Variants in PTPN3 observed in about 807,000 individuals in gnomAD.
PTPN3 encodes tyrosine-protein phosphatase non-receptor type 3.
In PTPN3, 96 loss-of-function variants were observed where a neutral mutation model predicts 132.7. That is an observed-to-expected ratio of 0.72 (90% CI 0.61 to 0.86). The LOEUF is 0.86. Among genes scored for constraint, PTPN3 ranks in the 40% least tolerant of loss-of-function variants. PTPN3 has a pLI of 0.00. For synonymous variants in PTPN3, 398 were observed against 429.0 expected, an observed-to-expected ratio of 0.93 and a Z score of 0.89; for missense variants, 1,125 against 1,159.6, an observed-to-expected ratio of 0.97 and a Z score of 0.43.
chr9:109,474,105 C>T (rs946082275), intron 1 of PTPN3, among the ~76,000 whole-genome samples: 1 of 152,006 alleles, frequency 6.6e-6, no homozygotes, highest in Non-Finnish European at 1.5e-5. Flanking sequence ...TAACCTTTCC[C>T]CACTGCGCGC....
chr9:109,406,355 A>G, intron 18 of PTPN3, 107 bp downstream of exon 18: 2 of 1,361,456 alleles, frequency 1.5e-6, no homozygotes, highest in Non-Finnish European at 2.0e-6. Context: ...TTGATTTTCA[A>G]ATGTTGGCTA....
the PTPN3 span, among the ~76,000 whole-genome samples, chr9:109,524,401 G>T: frequency 2.5e-5 from 1 of 39,242 alleles, no homozygotes; most frequent in Non-Finnish European, 4.7e-5. Context: ...TGGAGCCTCT[G>T]AAGTTCAGAT....
chr9:109,408,433 C>G, intron 16 of PTPN3, 56 bp from the exon 17 acceptor site: 1 of 1,414,034 alleles, frequency 7.1e-7, no homozygotes, highest in East Asian at 2.3e-5. Flanking sequence ...AACAAACAAA[C>G]AAACAAAAAA....
At chr9:109,451,897 T>A (rs1845269640) in intron 5 of PTPN3, among the ~76,000 whole-genome samples, 1 of 152,178 alleles carries the variant, frequency 6.6e-6, no homozygotes. Context: ...GTTTAGGCAG[T>A]GCCGTCCAGA....
intron 9 of PTPN3, among the ~76,000 whole-genome samples, chr9:109,435,619 C>A (rs911611085): frequency 6.6e-6 from 1 of 152,188 alleles, no homozygotes; most frequent in South Asian, 2.1e-4. Context: ...TGACCAACCC[C>A]CTCTGATACT....
chr9:109,500,292 T>C (rs1289551655), upstream of PTPN3, among the ~76,000 whole-genome samples: 1 of 152,196 alleles, frequency 6.6e-6, no homozygotes, highest in Non-Finnish European at 1.5e-5. Flanking sequence ...ATTTTCGAAG[T>C]TGTCTTAATC....
chr9:109,410,378 T>C lies in PTPN3; in HGVS notation c.1351A>G (p.Thr451Ala). The C allele has an allele frequency of 1.2e-6, 2 of 1,613,908 alleles. No individual in the cohort carries two copies. Among genetic ancestry groups the C allele is most frequent in the Non-Finnish European group, 1.7e-6 (2 of 1,179,968 alleles). ...SENNPAQSYLTQKSSSSVSPS... is the reference protein window; with the variant it reads ...SENNPAQSYLAQKSSSSVSPS... The stretch of plus-strand genomic sequence containing the variant: ...GACACAGAACTGGATGACTTCTGGG[T>C]CAGGTAGCTTTGTGCCGGATTGTTC... The change falls in exon 15 of 26, where the codon ACC (threonine) becomes GCC (alanine). Residue 451 changes from threonine to alanine, a missense_variant. Transcript: ENST00000374541.
At chr9:109,463,565 A>G (rs1845953097) in intron 1 of PTPN3, 114 bp from the exon 2 acceptor site, 1 of 933,162 alleles carries the variant, frequency 1.1e-6, no homozygotes, top group Non-Finnish European at 1.6e-6. Context: ...ACTCACAGAT[A>G]ATGAGAACTA....
At chr9:109,459,512 A>G (rs573030849) in intron 2 of PTPN3, among the ~76,000 whole-genome samples, 2 of 152,332 alleles carry the variant, frequency 1.3e-5, no homozygotes, top group African/African-American at 4.8e-5. Context: ...GACGTTCATA[A>G]CTAAGAATTT....
chr9:109,474,676 C>G (rs1020049609), intron 1 of PTPN3, among the ~76,000 whole-genome samples: 1 of 152,110 alleles, frequency 6.6e-6, no homozygotes, highest in African/African-American at 2.4e-5. Context: ...ATTTAGCAGG[C>G]GTTCCTGAGG....
chr9:109,425,296 G>C (rs940968497), intron 12 of PTPN3, among the ~76,000 whole-genome samples: 3 of 152,178 alleles, frequency 2.0e-5, no homozygotes, highest in Admixed American at 6.5e-5. Flanking sequence ...AAAGTAACTG[G>C]AACAGTCTGA....
At position 109,438,071 on chromosome 9, in the gene PTPN3, C is replaced by T. The variant is rs1370755126; in HGVS notation, c.587+43G>A. On this transcript the variant is annotated intron_variant, in intron 8 of 25. Coordinates refer to ENST00000374541, the MANE Select transcript of PTPN3 (RefSeq NM_002829.4). Reference sequence around the variant, plus strand: ...CAAAGGGATATGATGTCTGAAAATACCCAACCCAAGTCCCCAAAGTAGGCC... The same window carrying T: ...CAAAGGGATATGATGTCTGAAAATATCCAACCCAAGTCCCCAAAGTAGGCC... 4 of 1,576,650 alleles carry T rather than the reference C, an allele frequency of 2.5e-6. No individual in the cohort carries two copies. The African/African-American group carries it at 4.1e-5, about 16-fold the overall frequency.
At chr9:109,494,109 C>A (rs1016916621) in intron 1 of PTPN3, among the ~76,000 whole-genome samples, 4 of 152,200 alleles carry the variant, frequency 2.6e-5, no homozygotes, top group Admixed American at 6.5e-5. Flanking sequence ...CTAGGTGAGG[C>A]CTGGCCCATG....
chr9:109,398,992 G>A (rs1840831588), intron 19 of PTPN3, among the ~76,000 whole-genome samples: 1 of 152,034 alleles, frequency 6.6e-6, no homozygotes, highest in Non-Finnish European at 1.5e-5. Context: ...CCCTACCTTG[G>A]CTACACAAAG....
intron 14 of PTPN3, chr9:109,417,702 G>A (rs569761885): frequency 2.0e-6 from 2 of 985,248 alleles, no homozygotes; most frequent in Non-Finnish European, 2.4e-6. Context: ...AGGTGGTGGG[G>A]GCTGCTTTTC....
chr9:109,528,318 T>C, the PTPN3 span, among the ~76,000 whole-genome samples: 1 of 152,196 alleles, frequency 6.6e-6, no homozygotes. Flanking sequence ...AGAGCCAAAC[T>C]GGAAACAATG....
intron 1 of PTPN3, among the ~76,000 whole-genome samples, chr9:109,464,799 T>C (rs953761032): frequency 2.6e-5 from 4 of 152,180 alleles, no homozygotes; most frequent in Non-Finnish European, 4.4e-5. Flanking sequence ...TGCTTTAACA[T>C]TGAGCAAAAG....
intron 19 of PTPN3, among the ~76,000 whole-genome samples, chr9:109,397,191 T>C (rs1167611078): frequency 1.3e-5 from 2 of 152,180 alleles, no homozygotes; most frequent in East Asian, 3.9e-4. Context: ...AGGAACCAAG[T>C]TTCAAAATGG....
At chr9:109,448,022 A>G (rs73654242) in intron 6 of PTPN3, among the ~76,000 whole-genome samples, 5,012 of 152,214 alleles carry the variant, frequency 0.033, 277 homozygotes, top group African/African-American at 0.11. Context: ...TCATCCTAGC[A>G]ATCTATAAAG....
Sources: allele counts gnomAD v4.1 joint callset (sites outside exome capture counted in the v4.1 genomes callset), GRCh38; gene constraint gnomAD v4.1.1; transcripts MANE v1.5; gene names NCBI Gene and HGNC (gene_info 2026-07-23, HGNC 2026-07-21).